NOS1AP: variants seen among roughly 807,000 people sequenced by gnomAD.
NOS1AP encodes carboxyl-terminal PDZ ligand of neuronal nitric oxide synthase protein.
A neutral mutation model predicts 56.2 loss-of-function variants in NOS1AP; 21 were observed. That is an observed-to-expected ratio of 0.37 (90% CI 0.26 to 0.54). The LOEUF (loss-of-function observed/expected upper bound fraction) is 0.54, where lower values mean the gene tolerates loss of function less well. Among genes scored for constraint, NOS1AP ranks in the 20% least tolerant of loss-of-function variants. The pLI is 0.84. For synonymous variants in NOS1AP, 270 were observed against 274.6 expected, an observed-to-expected ratio of 0.98 and a Z score of 0.17; for missense variants, 522 against 657.8, an observed-to-expected ratio of 0.79 and a Z score of 2.26.
chr1:162,073,260 A>G (rs998057281), intron 1 of NOS1AP, among the ~76,000 whole-genome samples: 3 of 152,140 alleles, frequency 2.0e-5, no homozygotes, highest in Admixed American at 2.0e-4. Flanking sequence ...CTTAGTGCTC[A>G]CAGTTGTGTA....
intron 5 of NOS1AP, chr1:162,342,566 G>A (rs1172491194): frequency 2.0e-6 from 1 of 488,526 alleles, no homozygotes; most frequent in Non-Finnish European, 4.3e-6. Context: ...AGAAAGATGA[G>A]CTCATTGTAA....
chr1:162,085,969 G>T (rs1311870594), intron 1 of NOS1AP, among the ~76,000 whole-genome samples: 1 of 152,082 alleles, frequency 6.6e-6, no homozygotes, highest in Non-Finnish European at 1.5e-5. Context: ...CAAGTGACTT[G>T]CCCAAGTTCA....
intron 1 of NOS1AP, among the ~76,000 whole-genome samples, chr1:162,097,782 G>A (rs1037980162): frequency 1.3e-4 from 20 of 152,158 alleles, no homozygotes; most frequent in African/African-American, 4.8e-4. Context: ...TTGCGATCTA[G>A]CGGGATGATT....
chr1:162,208,367 T>A (rs1000490605), intron 2 of NOS1AP, among the ~76,000 whole-genome samples: 1 of 152,240 alleles, frequency 6.6e-6, no homozygotes, highest in African/African-American at 2.4e-5. Flanking sequence ...AAGAGACATG[T>A]CTTATTCATC....
intron 2 of NOS1AP, among the ~76,000 whole-genome samples, chr1:162,186,650 T>A (rs1651443754): frequency 6.6e-6 from 1 of 151,558 alleles, no homozygotes; most frequent in Non-Finnish European, 1.5e-5. Flanking sequence ...TGAAAGAGAG[T>A]CAAGTTCACT....
chr1:162,248,131 A>G (rs1261324341), intron 2 of NOS1AP, among the ~76,000 whole-genome samples: 1 of 152,146 alleles, frequency 6.6e-6, no homozygotes, highest in Non-Finnish European at 1.5e-5. Context: ...ATATATATAT[A>G]TAAATCAAAA....
intron 1 of NOS1AP, among the ~76,000 whole-genome samples, chr1:162,112,363 C>T (rs1647744660): frequency 6.6e-6 from 1 of 151,694 alleles, no homozygotes. Context: ...AGCATCCTGG[C>T]CTCTAGTGGA....
At chr1:162,320,311 C>A (rs1299894146) in intron 4 of NOS1AP, among the ~76,000 whole-genome samples, 1 of 152,188 alleles carries the variant, frequency 6.6e-6, no homozygotes, top group Non-Finnish European at 1.5e-5. Context: ...TCCTTCACAG[C>A]CTTCTGCTCA....
In NOS1AP at chr1:162,116,484, C is replaced by T. The variant is rs182033350; in HGVS notation, c.106-37921C>T. On this transcript the variant is annotated intron_variant, in intron 1 of 9. Transcript: ENST00000361897. ...AGGGTATTTATTCCATTCAATGCTTCCTTTGTGCTTGGCATGGTTCGAGTC... is the reference window on the plus strand; with the variant it reads ...AGGGTATTTATTCCATTCAATGCTTTCTTTGTGCTTGGCATGGTTCGAGTC... Among the ~76,000 whole-genome samples the T allele has an allele frequency of 1.1e-3, 166 of 152,284 alleles. 2 individuals are homozygous for T. The highest frequency in any genetic ancestry group is 2.1e-3 in the South Asian group (10 of 4,830).
At chr1:162,155,371 TAG>T (rs1195517161) in intron 2 of NOS1AP, among the ~76,000 whole-genome samples, 13 of 136,458 alleles carry the variant, frequency 9.5e-5, no homozygotes, top group Non-Finnish European at 1.2e-4. Flanking sequence ...TATATATATA[TAG>T]AGAGAGAGCT....
At chr1:162,252,381 T>C (rs1234715803) in intron 2 of NOS1AP, among the ~76,000 whole-genome samples, 1 of 152,024 alleles carries the variant, frequency 6.6e-6, no homozygotes, top group Non-Finnish European at 1.5e-5. Flanking sequence ...TAATGGATGA[T>C]TGGTGGAAGG....
At chr1:162,072,121 A>G (rs759266673) in intron 1 of NOS1AP, among the ~76,000 whole-genome samples, 1 of 136,300 alleles carries the variant, frequency 7.3e-6, no homozygotes, top group Non-Finnish European at 1.6e-5. Flanking sequence ...TAGAAAGTGT[A>G]TTTTAAGCCT....
chr1:162,155,284 A>G (rs992663337), intron 2 of NOS1AP, among the ~76,000 whole-genome samples: 1 of 139,074 alleles, frequency 7.2e-6, no homozygotes, highest in Non-Finnish European at 1.5e-5. Flanking sequence ...ATATACACAT[A>G]TATACATATA....
At position 162,356,965 on chromosome 1, in the gene NOS1AP, G is replaced by T; in HGVS notation, c.768G>T (p.Ser256=). 2.5e-6 allele frequency: 4 copies of T among 1,613,954 alleles called. No individual in the cohort carries two copies. Among genetic ancestry groups the T allele is most frequent in the Non-Finnish European group, 3.4e-6 (4 of 1,180,032 alleles). The change falls in exon 8 of 10, where the codon TCG becomes TCT. Residue 256 remains serine (S), a synonymous_variant. Transcript: ENST00000361897. ...EGGSHTGSKV[S]HPQEPMLTAS... ...GTCTTCTCCTTCTCCTCCAGGTTTC[G>T]CACCCCCAGGAGCCCATGCTGACAG...
At chr1:162,282,012 A>C (rs1654948647) in intron 2 of NOS1AP, among the ~76,000 whole-genome samples, 1 of 152,148 alleles carries the variant, frequency 6.6e-6, no homozygotes, top group South Asian at 2.1e-4. Context: ...AGGCAGGAGA[A>C]TTGCTTGAAC....
At position 162,082,890 on chromosome 1, in the gene NOS1AP, T is replaced by TATC. The variant is rs778867905; in HGVS notation, c.105+12608_105+12609insATC. Among the ~76,000 whole-genome samples the TATC allele has an allele frequency of 0.016, 68 of 4,222 alleles. 13 individuals are homozygous for TATC. The Non-Finnish European group carries it at 0.48, about 30-fold the overall frequency. The allele number at this position is 4,222 out of a possible 152,430, so 2.8% of individuals were successfully genotyped here. A position where few individuals can be genotyped will look rare whatever the true frequency, so the allele number is the denominator to read the frequency against. On this transcript the variant is annotated intron_variant, in intron 1 of 9. Transcript: ENST00000361897. Reference sequence around the variant, plus strand: ...GCTCCTTGGTTGTGTCCTTTTTTTCTTTTTTTTTTTTTTTTTTTTTTTTTG... The same window carrying TATC: ...GCTCCTTGGTTGTGTCCTTTTTTTCTATCTTTTTTTTTTTTTTTTTTTTTTTTG...
intron 8 of NOS1AP, among the ~76,000 whole-genome samples, chr1:162,359,153 A>C (rs1350741879): frequency 6.6e-6 from 1 of 152,188 alleles, no homozygotes; most frequent in South Asian, 2.1e-4. Context: ...TCGGTTCCAC[A>C]TGTCCACAGG....
At chr1:162,201,896 G>T (rs1012323885) in intron 2 of NOS1AP, among the ~76,000 whole-genome samples, 1 of 152,182 alleles carries the variant, frequency 6.6e-6, no homozygotes, top group African/African-American at 2.4e-5. Flanking sequence ...TCATTCTATA[G>T]GTTGTCTGTT....
chr1:162,307,849 C>T (rs906890226), intron 4 of NOS1AP, among the ~76,000 whole-genome samples: 1 of 151,926 alleles, frequency 6.6e-6, no homozygotes, highest in East Asian at 1.9e-4. Context: ...AAGTCTATTC[C>T]AACTTTGGCT....
Sources: allele counts gnomAD v4.1 joint callset (sites outside exome capture counted in the v4.1 genomes callset), GRCh38; gene constraint gnomAD v4.1.1; transcripts MANE v1.5; gene names NCBI Gene and HGNC (gene_info 2026-07-23, HGNC 2026-07-21).